Variants in FRMD5 observed in about 807,000 individuals in gnomAD.
FRMD5 encodes the protein FERM domain containing 5.
FRMD5 carries 20 observed loss-of-function variants against 69.0 expected under a neutral mutation model. The ratio of observed to expected loss-of-function variants is 0.29; its 90% CI spans 0.20 to 0.42. The LOEUF is 0.42. Ranked by LOEUF, FRMD5 falls within the 10% of genes least tolerant of loss-of-function variation. The pLI is 1.00. For synonymous variants in FRMD5, 271 were observed against 260.1 expected, an observed-to-expected ratio of 1.04 and a Z score of -0.40; for missense variants, 595 against 708.6, an observed-to-expected ratio of 0.84 and a Z score of 1.82.
intron 5 of FRMD5, 106 bp downstream of exon 5, chr15:43,909,775 TG>T: frequency 1.5e-6 from 1 of 649,596 alleles, no homozygotes; most frequent in Non-Finnish European, 2.7e-6. Context: ...CCACAGCACC[TG>T]GCCTAGATAA....
chr15:43,934,979 CAG>C (rs1289931974), intron 1 of FRMD5, among the ~76,000 whole-genome samples: 1 of 152,200 alleles, frequency 6.6e-6, no homozygotes, highest in African/African-American at 2.4e-5. Context: ...TAGGAACTGA[CAG>C]AGATGGAAAG....
intron 12 of FRMD5, 30 bp downstream of exon 12, chr15:43,884,697 C>T: frequency 1.2e-6 from 2 of 1,600,858 alleles, no homozygotes; most frequent in Non-Finnish European, 1.7e-6. Flanking sequence ...TGAGCTACAA[C>T]TGTTTGGGGG....
At chr15:44,028,801 A>AGGAG (rs1891551129) in intron 1 of FRMD5, among the ~76,000 whole-genome samples, 1 of 152,198 alleles carries the variant, frequency 6.6e-6, no homozygotes, top group Non-Finnish European at 1.5e-5. Flanking sequence ...CCCTGAGACC[A>AGGAG]GGAGACACCT....
intron 1 of FRMD5, among the ~76,000 whole-genome samples, chr15:44,153,007 C>T (rs2077470784): frequency 6.6e-6 from 1 of 152,088 alleles, no homozygotes; most frequent in Non-Finnish European, 1.5e-5. Context: ...ATCAAAATTA[C>T]AATGAGATAC....
At chr15:44,153,006 A>G (rs1205647814) in intron 1 of FRMD5, among the ~76,000 whole-genome samples, 1 of 152,236 alleles carries the variant, frequency 6.6e-6, no homozygotes, top group African/African-American at 2.4e-5. Flanking sequence ...AATCAAAATT[A>G]CAATGAGATA....
At chr15:44,186,964 G>A (rs2078112542) in intron 1 of FRMD5, among the ~76,000 whole-genome samples, 1 of 152,204 alleles carries the variant, frequency 6.6e-6, no homozygotes, top group Admixed American at 6.5e-5. Context: ...GTCCTCAAGA[G>A]AAGCTATTTT....
At chr15:44,103,576 A>C (rs564861762) in intron 1 of FRMD5, among the ~76,000 whole-genome samples, 4 of 152,246 alleles carry the variant, frequency 2.6e-5, no homozygotes, top group Non-Finnish European at 5.9e-5. Context: ...TGTATAATTC[A>C]GTGGGTTTTG....
intron 1 of FRMD5, among the ~76,000 whole-genome samples, chr15:44,007,896 G>A (rs1890532600): frequency 6.6e-6 from 1 of 151,770 alleles, no homozygotes; most frequent in African/African-American, 2.4e-5. Flanking sequence ...CACCCGCCTT[G>A]GCCTCCCAAA....
At position 44,070,848 on chromosome 15, in the gene FRMD5, A is replaced by G. The variant is rs1719429898; in HGVS notation, c.102+124105T>C. ...AATGTTAGGCAGCTACAATGGCTAGAAAGTTGTTCCTTCGATTTTTGTCCC... is the reference window on the plus strand; with the variant it reads ...AATGTTAGGCAGCTACAATGGCTAGGAAGTTGTTCCTTCGATTTTTGTCCC... On this transcript the variant is annotated intron_variant, in intron 1 of 13. Coordinates refer to ENST00000417257, the MANE Select transcript of FRMD5 (RefSeq NM_032892.5). Among the ~76,000 whole-genome samples, 3 of 152,194 alleles carry G rather than the reference A, an allele frequency of 2.0e-5. 1 individual carries two copies. Among genetic ancestry groups the G allele is most frequent in the Admixed American group, 2.0e-4 (3 of 15,276 alleles).
At chr15:43,875,199 G>A (rs557746144) in intron 13 of FRMD5, among the ~76,000 whole-genome samples, 21 of 151,588 alleles carry the variant, frequency 1.4e-4, no homozygotes, top group Admixed American at 2.6e-4. Flanking sequence ...TCTGCCTCGG[G>A]GCGAGGAGGA....
rs1376960695 is a variant in FRMD5, at chr15:44,174,085, T to C, written c.102+20868A>G. 2.0e-5 allele frequency among the ~76,000 whole-genome samples: 3 copies of C among 152,234 alleles called. No individual in the cohort carries two copies. In the East Asian group the frequency reaches 5.8e-4, roughly 29 times the overall value. On this transcript the variant is annotated intron_variant, in intron 1 of 13. Coordinates refer to ENST00000417257, the MANE Select transcript of FRMD5 (RefSeq NM_032892.5). ...CTATACTCCTTTCACTATACCATTATTAAATAAAATTTCTACTCAAATCCA... is the reference window on the plus strand; with the variant it reads ...CTATACTCCTTTCACTATACCATTACTAAATAAAATTTCTACTCAAATCCA...
intron 1 of FRMD5, among the ~76,000 whole-genome samples, chr15:44,127,253 G>A (rs1171920822): frequency 6.6e-6 from 1 of 152,066 alleles, no homozygotes; most frequent in East Asian, 1.9e-4. Flanking sequence ...CCACCACACC[G>A]ACTAATTCTT....
intron 1 of FRMD5, among the ~76,000 whole-genome samples, chr15:44,121,793 G>A (rs758604741): frequency 6.6e-6 from 1 of 151,722 alleles, no homozygotes; most frequent in African/African-American, 2.4e-5. Context: ...TCAAGAGTTC[G>A]AGACCAGCCT....
chr15:43,962,874 T>C (rs1310920900), intron 1 of FRMD5, among the ~76,000 whole-genome samples: 3 of 152,176 alleles, frequency 2.0e-5, no homozygotes, highest in Admixed American at 6.6e-5. Flanking sequence ...TGAAACTGGA[T>C]CGCTTCCTTA....
chr15:44,012,792 G>A (rs888480722), intron 1 of FRMD5, among the ~76,000 whole-genome samples: 6 of 139,108 alleles, frequency 4.3e-5, no homozygotes, highest in Non-Finnish European at 9.2e-5. Context: ...TTGAGATGGA[G>A]TTTCGCTCTT....
At chr15:44,055,803 CA>C (rs1319599986) in intron 1 of FRMD5, among the ~76,000 whole-genome samples, 1 of 152,198 alleles carries the variant, frequency 6.6e-6, no homozygotes, top group Non-Finnish European at 1.5e-5. Context: ...CTTTCAGCCT[CA>C]GTTTCTTCAC....
intron 1 of FRMD5, among the ~76,000 whole-genome samples, chr15:44,011,338 C>G (rs1890712023): frequency 6.6e-6 from 1 of 152,024 alleles, no homozygotes; most frequent in Non-Finnish European, 1.5e-5. Flanking sequence ...AGAGACAGAG[C>G]CAACAGATGT....
chr15:44,117,029 C>T (rs1399602450), intron 1 of FRMD5, among the ~76,000 whole-genome samples: 7 of 151,578 alleles, frequency 4.6e-5, no homozygotes, highest in Admixed American at 2.6e-4. Flanking sequence ...CACTTGAACC[C>T]GGGAGGCAGA....
At chr15:44,153,187 T>C (rs897926990) in intron 1 of FRMD5, among the ~76,000 whole-genome samples, 9 of 152,160 alleles carry the variant, frequency 5.9e-5, no homozygotes, top group African/African-American at 2.2e-4. Flanking sequence ...AATTACCATA[T>C]GGTCCAGCAA....
Sources: gnomAD v4.1 joint callset for allele counts (sites outside exome capture counted in the v4.1 genomes callset) on GRCh38, gnomAD v4.1.1 for gene constraint, MANE v1.5 for transcripts, NCBI Gene and HGNC (gene_info 2026-07-23, HGNC 2026-07-21) for gene names.